Variants in NUSAP1 observed in about 807,000 individuals in gnomAD.
NUSAP1 encodes the protein nucleolar and spindle associated protein 1, also known as nucleolar and spindle-associated protein 1.
Under a neutral mutation model 52.8 loss-of-function variants are expected in NUSAP1, and 32 were observed. The ratio of observed to expected loss-of-function variants is 0.61; its 90% CI spans 0.46 to 0.81. NUSAP1 has a LOEUF of 0.81. Ranked by LOEUF, NUSAP1 falls within the 40% of genes least tolerant of loss-of-function variation. The pLI, the probability that NUSAP1 is intolerant of heterozygous loss-of-function variation, is 0.00. For missense variants in NUSAP1, 499 were observed against 522.3 expected, an observed-to-expected ratio of 0.96 and a Z score of 0.43; for synonymous variants, 195 against 183.1, an observed-to-expected ratio of 1.06 and a Z score of -0.52.
chr15:41,346,296 T>A (rs1220758517), intron 2 of NUSAP1, among the ~76,000 whole-genome samples: 3 of 151,920 alleles, frequency 2.0e-5, no homozygotes, highest in Non-Finnish European at 2.9e-5. Context: ...TATTTTATAT[T>A]TTTTTATATA....
At chr15:41,349,766 C>CT (rs1181209511) in intron 3 of NUSAP1, among the ~76,000 whole-genome samples, 25,302 of 123,540 alleles carry the variant, frequency 0.2, 2,983 homozygotes, top group Non-Finnish European at 0.25. Flanking sequence ...TTTTTCTTTT[C>CT]TTTTTTTTTT....
chr15:41,376,955 A>G (rs541219379), intron 9 of NUSAP1, among the ~76,000 whole-genome samples: 4 of 152,132 alleles, frequency 2.6e-5, no homozygotes, highest in African/African-American at 7.2e-5. Context: ...ATGTGCATGT[A>G]GTCCCAGCTA....
chr15:41,349,850 T>C (rs963950398), intron 3 of NUSAP1, among the ~76,000 whole-genome samples: 19 of 144,752 alleles, frequency 1.3e-4, no homozygotes, highest in African/African-American at 4.8e-4. Flanking sequence ...TACTGCAACC[T>C]CCACCTCTCA....
chr15:41,347,197 G>A (rs1375470882), intron 2 of NUSAP1, among the ~76,000 whole-genome samples: 1 of 152,082 alleles, frequency 6.6e-6, no homozygotes, highest in Non-Finnish European at 1.5e-5. Context: ...CTGATGATAG[G>A]CCTCACTAAA....
At chr15:41,346,405 G>A (rs1200574045) in intron 2 of NUSAP1, among the ~76,000 whole-genome samples, 1 of 152,028 alleles carries the variant, frequency 6.6e-6, no homozygotes, top group Non-Finnish European at 1.5e-5. Context: ...TTGACCTCAA[G>A]CAGTCCTCCC....
chr15:41,349,679 C>A (rs778056812), intron 3 of NUSAP1, among the ~76,000 whole-genome samples: 1 of 151,962 alleles, frequency 6.6e-6, no homozygotes, highest in African/African-American at 2.4e-5. Flanking sequence ...GCTTGCTTTC[C>A]GTAGACTCTG....
intron 4 of NUSAP1, 53 bp from the exon 5 acceptor site, chr15:41,355,986 C>T: frequency 1.7e-6 from 2 of 1,199,180 alleles, no homozygotes; most frequent in Middle Eastern, 2.1e-4. Flanking sequence ...CCACATATTT[C>T]TTAATGAGAA....
intron 2 of NUSAP1, chr15:41,345,663 T>A: frequency 3.8e-6 from 1 of 263,604 alleles, no homozygotes; most frequent in Non-Finnish European, 7.5e-6. Context: ...TTCACATGTT[T>A]GTCAGGCTGG....
At chr15:41,343,033 T>C (rs2048422046) in intron 2 of NUSAP1, 2 of 152,326 alleles carry the variant, frequency 1.3e-5, no homozygotes, top group South Asian at 4.1e-4. Flanking sequence ...CTACGAGAGA[T>C]GGCATGATTT....
chr15:41,370,248 G>A (rs1473405165), intron 7 of NUSAP1, among the ~76,000 whole-genome samples: 1 of 152,044 alleles, frequency 6.6e-6, no homozygotes, highest in Admixed American at 6.6e-5. Context: ...CGGGCGTAGT[G>A]GCGGGCGCCT....
intron 7 of NUSAP1, among the ~76,000 whole-genome samples, chr15:41,366,347 G>A (rs554900459): frequency 2.0e-5 from 3 of 147,844 alleles, no homozygotes; most frequent in Admixed American, 6.8e-5. Context: ...CTGGAGTGCA[G>A]TGACGAGATC....
intron 10 of NUSAP1, among the ~76,000 whole-genome samples, chr15:41,377,685 C>T (rs2050008817): frequency 7.3e-6 from 1 of 137,420 alleles, no homozygotes; most frequent in African/African-American, 2.8e-5. Flanking sequence ...CGTGACAGAG[C>T]CAGGCGCCGT....
chr15:41,337,940 T>TTC (rs936870965), intron 1 of NUSAP1, among the ~76,000 whole-genome samples: 5 of 142,986 alleles, frequency 3.5e-5, no homozygotes, highest in African/African-American at 1.4e-4. Context: ...TCTTTTTTTT[T>TTC]TTTTTTTTTT....
At chr15:41,371,187 T>TGGAGGAGGAGGA (rs368043352) in intron 7 of NUSAP1, among the ~76,000 whole-genome samples, 1 of 151,594 alleles carries the variant, frequency 6.6e-6, no homozygotes, top group Non-Finnish European at 1.5e-5. Context: ...TCCCCTAACC[T>TGGAGGAGGAGGA]GGAGGAGGAG....
At chr15:41,339,366 A>G (rs1282335381) in intron 1 of NUSAP1, among the ~76,000 whole-genome samples, 1 of 151,756 alleles carries the variant, frequency 6.6e-6, no homozygotes. Context: ...TGACTATTGA[A>G]TCTTGGTGGG....
Position 41,349,122 on chromosome 15 carries a change from T to C in NUSAP1, c.187T>C (p.Ser63Pro). The C allele has an allele frequency of 6.2e-7, 1 of 1,613,912 alleles. No individual in the cohort carries two copies. The highest frequency in any genetic ancestry group is 8.5e-7 in the Non-Finnish European group (1 of 1,179,824). Residue 63 changes from serine to proline, a missense_variant, in exon 3 of 11, where the codon TCT becomes CCT. Transcript: ENST00000559596. The part of the protein sequence containing the change: ...NQDESQTSAS[S>P]CDETEIQISN... Reference sequence around the variant, plus strand: ...GGATGAAAGTCAAACTTCTGCATCCTCTTGTGATGAGACTGAGATACAGAT... The same window carrying C: ...GGATGAAAGTCAAACTTCTGCATCCCCTTGTGATGAGACTGAGATACAGAT...
intron 2 of NUSAP1, chr15:41,345,515 A>C (rs946731153): frequency 1.5e-5 from 6 of 412,130 alleles, no homozygotes; most frequent in Non-Finnish European, 2.8e-5. Context: ...GCTGGAGTGC[A>C]ATGACACGAT....
chr15:41,362,710 G>A (rs924602617), intron 6 of NUSAP1, among the ~76,000 whole-genome samples: 4 of 152,040 alleles, frequency 2.6e-5, no homozygotes, highest in Admixed American at 2.0e-4. Context: ...GATTACAGGC[G>A]TGAGCCACCG....
At chr15:41,344,783 A>C (rs1048247538) in intron 2 of NUSAP1, among the ~76,000 whole-genome samples, 1 of 152,230 alleles carries the variant, frequency 6.6e-6, no homozygotes, top group South Asian at 2.1e-4. Flanking sequence ...TCTACTAAAA[A>C]TACAAAAATT....
Sources: allele counts gnomAD v4.1 joint callset (sites outside exome capture counted in the v4.1 genomes callset), GRCh38; gene constraint gnomAD v4.1.1; transcripts MANE v1.5; gene names NCBI Gene and HGNC (gene_info 2026-07-23, HGNC 2026-07-21).